CACNG5: variants seen among roughly 807,000 people sequenced by gnomAD.
CACNG5 encodes the protein voltage-dependent calcium channel gamma-5 subunit.
Under a neutral mutation model 24.8 loss-of-function variants are expected in CACNG5, and 18 were observed. That is an observed-to-expected ratio of 0.73 (90% CI 0.50 to 1.08). CACNG5 has a LOEUF of 1.08. Among genes scored for constraint, CACNG5 ranks in the 50% least tolerant of loss-of-function variants. The probability of loss-of-function intolerance (pLI) is 0.00; values close to 1 mark genes in which losing one functional copy is unlikely to be tolerated. For missense variants in CACNG5, 349 were observed against 367.9 expected (o/e 0.95, Z 0.42); for synonymous variants, 157 against 149.1 (o/e 1.05, Z -0.39).
intron 1 of CACNG5, among the ~76,000 whole-genome samples, chr17:66,861,439 C>T (rs868440219): frequency 3.9e-5 from 6 of 152,286 alleles, no homozygotes; most frequent in African/African-American, 2.4e-5. Context: ...TACTGCAAAG[C>T]GTTGTTGGGA....
rs1977244634 is a variant in CACNG5 at position 66,885,455 on chromosome 17, G to T, written c.*215G>T. ...TCTGGAGTCTGTGGGCAAGCTGATT[G>T]TCTGGGAACATGGGAGAAGCCCCGC... On this transcript the variant is annotated 3_prime_UTR_variant, in exon 6 of 6. Coordinates refer to ENST00000533854, the MANE Select transcript of CACNG5 (RefSeq NM_145811.3). 3 of 578,976 alleles carry T rather than the reference G, an allele frequency of 5.2e-6. No homozygotes were observed. The highest frequency in any genetic ancestry group is 8.8e-6 in the Non-Finnish European group (3 of 341,476). The allele number at this position is 578,976 out of a possible 1,614,324, so 35.9% of individuals were successfully genotyped here.
rs899836242 is a variant in CACNG5 at position 66,888,009 on chromosome 17, T to C, written c.*2769T>C. On this transcript the variant is annotated 3_prime_UTR_variant, in exon 6 of 6. Transcript: ENST00000533854. The stretch of plus-strand genomic sequence containing the variant: ...CTCAGAAATCATAAATTAGGGTCTC[T>C]TCTTCAATATACATTCTGATCTTTT... 4.6e-5 allele frequency among the ~76,000 whole-genome samples: 7 copies of C among 152,114 alleles called. No individual in the cohort carries two copies. The highest frequency in any genetic ancestry group is 1.7e-4 in the African/African-American group (7 of 41,418).
At chr17:66,861,912 C>A (rs1976866091) in intron 1 of CACNG5, among the ~76,000 whole-genome samples, 1 of 152,208 alleles carries the variant, frequency 6.6e-6, no homozygotes, top group African/African-American at 2.4e-5. Flanking sequence ...AGCATGCAAT[C>A]CTGCCTTTTC....
At chr17:66,837,790 T>C (rs1159824450) in intron 1 of CACNG5, among the ~76,000 whole-genome samples, 1 of 151,772 alleles carries the variant, frequency 6.6e-6, no homozygotes, top group African/African-American at 2.4e-5. Context: ...AGAGAGAACA[T>C]TGTACTTTGC....
At position 66,884,574 on chromosome 17, in the gene CACNG5, C is replaced by G; in HGVS notation, c.483C>G (p.Leu161=). Reference sequence around the variant, plus strand: ...TCTCCAGCATCAACGATGAGATGCTCAACAGGACCAAGGATGCAGAGACCT... The same window carrying G: ...TCTCCAGCATCAACGATGAGATGCTGAACAGGACCAAGGATGCAGAGACCT... The part of the protein sequence containing the change: ...LYISSINDEM[L]NRTKDAETYF... The change falls in exon 5 of 6, where the codon CTC becomes CTG. Residue 161 remains leucine (L), a synonymous_variant. Transcript: ENST00000533854. The G allele has an allele frequency of 6.2e-7, 1 of 1,614,110 alleles. No individual in the cohort carries two copies. Among genetic ancestry groups the G allele is most frequent in the Non-Finnish European group, 8.5e-7 (1 of 1,180,020 alleles).
At chr17:66,881,326 A>T (rs565974657) in intron 4 of CACNG5, among the ~76,000 whole-genome samples, 6 of 152,146 alleles carry the variant, frequency 3.9e-5, no homozygotes, top group Non-Finnish European at 8.8e-5. Flanking sequence ...GAGTATTCCT[A>T]TTTTTGAAGG....
At position 66,891,846 on chromosome 17, in the gene CACNG5, C is replaced by G. The variant is rs1258633986; in HGVS notation, c.*6606C>G. Among the ~76,000 whole-genome samples, 1 of 152,200 alleles carries G rather than the reference C, an allele frequency of 6.6e-6. No homozygotes were observed. The highest frequency in any genetic ancestry group is 1.5e-5 in the Non-Finnish European group (1 of 68,036). ...TTGACTAGTAAGTTATTCTCCCAGC[C>G]TGGAGATTCTGAAGTTACTCTGGGG... On this transcript the variant is annotated 3_prime_UTR_variant, in exon 6 of 6. Coordinates refer to ENST00000533854, the MANE Select transcript of CACNG5 (RefSeq NM_145811.3).
At chr17:66,847,545 C>T (rs1341881334) in intron 1 of CACNG5, among the ~76,000 whole-genome samples, 3 of 129,996 alleles carry the variant, frequency 2.3e-5, no homozygotes, top group Non-Finnish European at 4.8e-5. Context: ...GGGGAAAAAC[C>T]CACCCCCATG....
rs1198039799 is a variant in CACNG5 at position 66,886,943 on chromosome 17, G to A, written c.*1703G>A. ...GTGCCCGTGTCCCTGGTGTCCCTCA[G>A]TGTGTCCACATTCCCTCTCCTGGTG... On this transcript the variant is annotated 3_prime_UTR_variant, in exon 6 of 6. Coordinates refer to ENST00000533854, the MANE Select transcript of CACNG5 (RefSeq NM_145811.3). Among the ~76,000 whole-genome samples the A allele has an allele frequency of 6.6e-6, 1 of 152,168 alleles. No homozygotes were observed. The highest frequency in any genetic ancestry group is 1.9e-4 in the East Asian group (1 of 5,182).
Position 66,888,564 on chromosome 17 carries a change from AAAG to A in CACNG5, c.*3326_*3328del, listed in dbSNP as rs1977296502. 6.6e-6 allele frequency among the ~76,000 whole-genome samples: 1 copy of A among 151,412 alleles called. No individual in the cohort carries two copies. The highest frequency in any genetic ancestry group is 1.5e-5 in the Non-Finnish European group (1 of 67,892). On this transcript the variant is annotated 3_prime_UTR_variant, in exon 6 of 6. Transcript: ENST00000533854. ...GTCTCAAAAAAAAAAAAAAAAAAAA[AAAG>A]AGTTAAAGAAAGAGGAAAGAACCAT...
chr17:66,878,497 T>C (rs1002327), intron 2 of CACNG5, among the ~76,000 whole-genome samples: 82,799 of 152,102 alleles, frequency 0.54, 23,877 homozygotes, highest in African/African-American at 0.75. Context: ...TTCTTCTGCC[T>C]CAGACTGCGT....
At chr17:66,835,433 C>A (rs116410214) in intron 1 of CACNG5, among the ~76,000 whole-genome samples, 183 bp downstream of exon 1, 1,644 of 152,184 alleles carry the variant, frequency 0.011, 24 homozygotes, top group African/African-American at 0.038. Context: ...GTGGGGAGCG[C>A]GGGCGTGTGT....
chr17:66,868,730 C>T (rs1976963240), intron 1 of CACNG5, among the ~76,000 whole-genome samples: 1 of 152,198 alleles, frequency 6.6e-6, no homozygotes, highest in South Asian at 2.1e-4. Context: ...TTAGTACGCA[C>T]TTGACCCATG....
At chr17:66,869,087 T>G (rs1432125545) in intron 1 of CACNG5, among the ~76,000 whole-genome samples, 1 of 152,120 alleles carries the variant, frequency 6.6e-6, no homozygotes, top group East Asian at 1.9e-4. Flanking sequence ...TTTTCTTTCT[T>G]TCTTTTTTCT....
At chr17:66,875,650 G>T (rs1441326622) in intron 1 of CACNG5, among the ~76,000 whole-genome samples, 1 of 152,136 alleles carries the variant, frequency 6.6e-6, no homozygotes, top group Non-Finnish European at 1.5e-5. Flanking sequence ...ATCTCAACTG[G>T]AACATGATAC....
At chr17:66,837,766 T>C (rs185187499) in intron 1 of CACNG5, among the ~76,000 whole-genome samples, 41 of 151,860 alleles carry the variant, frequency 2.7e-4, no homozygotes, top group African/African-American at 9.7e-4. Flanking sequence ...AAAGAGAAGC[T>C]TGGGGAGTGT....
At chr17:66,854,742 C>G (rs887508170) in intron 1 of CACNG5, among the ~76,000 whole-genome samples, 1 of 152,012 alleles carries the variant, frequency 6.6e-6, no homozygotes, top group Admixed American at 6.6e-5. Context: ...CTGTGCAGAA[C>G]GTTTCAGCAC....
chr17:66,854,167 C>T (rs1410279027), intron 1 of CACNG5, among the ~76,000 whole-genome samples: 2 of 152,180 alleles, frequency 1.3e-5, no homozygotes, highest in African/African-American at 2.4e-5. Flanking sequence ...CGGTGGCTCA[C>T]GCCTGTAATC....
At chr17:66,870,045 T>G (rs530916544) in intron 1 of CACNG5, among the ~76,000 whole-genome samples, 1 of 151,286 alleles carries the variant, frequency 6.6e-6, no homozygotes, top group South Asian at 2.1e-4. Flanking sequence ...ATTGCGCCAC[T>G]GCACTCCAGC....
Sources: allele counts gnomAD v4.1 joint callset (sites outside exome capture counted in the v4.1 genomes callset), GRCh38; gene constraint gnomAD v4.1.1; transcripts MANE v1.5; gene names NCBI Gene and HGNC (gene_info 2026-07-23, HGNC 2026-07-21).